POLR2B: variants seen among roughly 807,000 people sequenced by gnomAD.
POLR2B encodes DNA-directed RNA polymerase II subunit RPB2.
POLR2B carries 57 observed loss-of-function variants against 144.6 expected under a neutral mutation model. The observed-to-expected ratio is 0.39, with a 90% CI of 0.32 to 0.49. The LOEUF is 0.49. Ranked by LOEUF, POLR2B falls within the 20% of genes least tolerant of loss-of-function variation. The pLI is 0.83. For missense variants in POLR2B, 595 were observed against 1,467.4 expected (o/e 0.41, Z 9.71); for synonymous variants, 442 against 469.8 (o/e 0.94, Z 0.77).
intron 2 of POLR2B, among the ~76,000 whole-genome samples, chr4:56,989,988 T>C (rs1438633533): frequency 6.6e-6 from 1 of 152,230 alleles, no homozygotes; most frequent in Non-Finnish European, 1.5e-5. Context: ...TTGCTGAGTA[T>C]TTTTATGTAA....
chr4:57,015,010 G>A (rs1723322189), intron 13 of POLR2B, among the ~76,000 whole-genome samples: 1 of 152,142 alleles, frequency 6.6e-6, no homozygotes, highest in Non-Finnish European at 1.5e-5. Context: ...GCTATCCCCT[G>A]TATTAGATAG....
At chr4:56,996,827 T>C (rs1722705273) in intron 6 of POLR2B, among the ~76,000 whole-genome samples, 1 of 152,080 alleles carries the variant, frequency 6.6e-6, no homozygotes, top group East Asian at 1.9e-4. Context: ...GGCTCATGCC[T>C]GTAATCCCAG....
At chr4:57,006,536 C>G (rs1578575604) in intron 9 of POLR2B, among the ~76,000 whole-genome samples, 2 of 152,170 alleles carry the variant, frequency 1.3e-5, no homozygotes, top group Non-Finnish European at 2.9e-5. Flanking sequence ...AACTCCTGAC[C>G]TCAGGTGATC....
chr4:57,009,184 A>G (rs1723115250), intron 10 of POLR2B, among the ~76,000 whole-genome samples: 1 of 151,700 alleles, frequency 6.6e-6, no homozygotes, highest in African/African-American at 2.4e-5. Flanking sequence ...ATGGTTGAAA[A>G]CTCCAATGAG....
At chr4:57,006,385 A>G (rs956326508) in intron 9 of POLR2B, among the ~76,000 whole-genome samples, 1 of 152,046 alleles carries the variant, frequency 6.6e-6, no homozygotes, top group African/African-American at 2.4e-5. Context: ...GCTCACTGCA[A>G]CCTCTGCCTC....
At chr4:56,992,013 CAT>C (rs1296021602) in intron 3 of POLR2B, among the ~76,000 whole-genome samples, 1 of 152,088 alleles carries the variant, frequency 6.6e-6, no homozygotes, top group African/African-American at 2.4e-5. Flanking sequence ...AACAATATAA[CAT>C]AGCAAATTGA....
intron 13 of POLR2B, among the ~76,000 whole-genome samples, chr4:57,012,003 C>T (rs572556641): frequency 6.6e-6 from 1 of 152,190 alleles, no homozygotes; most frequent in Non-Finnish European, 1.5e-5. Context: ...TGGGATTTAT[C>T]CTTTGAATCC....
chr4:56,995,773 G>C (rs1431373942), intron 6 of POLR2B, among the ~76,000 whole-genome samples: 1 of 152,240 alleles, frequency 6.6e-6, no homozygotes, highest in African/African-American at 2.4e-5. Context: ...CTGTTGGCTG[G>C]AAGCCTTTCT....
rs957685081 is a variant in POLR2B, at chr4:56,998,351, C to T, written c.736-1266C>T. Reference sequence around the variant, plus strand: ...TAGCTGGGATTACAGGCGTGTGCCACCATGCCCAGCTAATTTTGTATATTT... The same window carrying T: ...TAGCTGGGATTACAGGCGTGTGCCATCATGCCCAGCTAATTTTGTATATTT... On this transcript the variant is annotated intron_variant, in intron 6 of 24. Coordinates refer to ENST00000314595, the MANE Select transcript of POLR2B (RefSeq NM_000938.3). Among the ~76,000 whole-genome samples the T allele has an allele frequency of 3.3e-5, 5 of 152,018 alleles. No individual in the cohort carries two copies. The South Asian group carries it at 8.3e-4, about 25-fold the overall frequency.
At position 57,031,026 on chromosome 4, in the gene POLR2B, G is replaced by C; in HGVS notation, c.*38G>C. The stretch of plus-strand genomic sequence containing the variant: ...AGTCAACAAGATAATTAAATATCTT[G>C]GTGTCTTGTTTCTATTGTGTGGCTT... On this transcript the variant is annotated 3_prime_UTR_variant, in exon 25 of 25. Coordinates refer to ENST00000314595, the MANE Select transcript of POLR2B (RefSeq NM_000938.3). 1 of 1,214,724 alleles carries C rather than the reference G, an allele frequency of 8.2e-7. No homozygotes were observed. The highest frequency in any genetic ancestry group is 1.2e-6 in the Non-Finnish European group (1 of 816,168). 75.2% of individuals were successfully genotyped at this position (1,214,724 alleles called of 1,614,324 possible). A position where few individuals can be genotyped will look rare whatever the true frequency, so the allele number is the denominator to read the frequency against.
chr4:57,024,478 T>C (rs976782254), intron 21 of POLR2B, among the ~76,000 whole-genome samples: 4 of 152,206 alleles, frequency 2.6e-5, no homozygotes, highest in Non-Finnish European at 2.9e-5. Context: ...TATTTTTAAG[T>C]ATTCTTTTAA....
chr4:57,025,668 G>T, intron 23 of POLR2B, 131 bp downstream of exon 23: 1 of 601,150 alleles, frequency 1.7e-6, no homozygotes, highest in Non-Finnish European at 3.0e-6. Context: ...ATTATCGACT[G>T]ATGGCCAGTC....
chr4:57,028,376 C>T (rs1345096099), intron 23 of POLR2B, among the ~76,000 whole-genome samples: 1 of 152,098 alleles, frequency 6.6e-6, no homozygotes, highest in Non-Finnish European at 1.5e-5. Context: ...TCAATCCAGC[C>T]TCTCACCTTG....
At chr4:57,009,396 G>A (rs921649820) in intron 10 of POLR2B, among the ~76,000 whole-genome samples, 1 of 152,056 alleles carries the variant, frequency 6.6e-6, no homozygotes, top group Non-Finnish European at 1.5e-5. Context: ...TTGTTTTTGG[G>A]GCTTCATTGA....
intron 10 of POLR2B, among the ~76,000 whole-genome samples, chr4:57,008,624 C>A (rs1723098882): frequency 6.6e-6 from 1 of 152,188 alleles, no homozygotes; most frequent in Non-Finnish European, 1.5e-5. Context: ...CAGATAATTA[C>A]AGCATGGCAT....
chr4:57,016,680 G>A (rs1017641172), intron 14 of POLR2B, among the ~76,000 whole-genome samples: 3 of 150,118 alleles, frequency 2.0e-5, no homozygotes, highest in Non-Finnish European at 3.0e-5. Flanking sequence ...TTATTTTTTA[G>A]CAATATGAAT....
chr4:56,979,774 C>T (rs1373110802), intron 1 of POLR2B, among the ~76,000 whole-genome samples: 1 of 152,024 alleles, frequency 6.6e-6, no homozygotes, highest in Non-Finnish European at 1.5e-5. Context: ...TGGCGTGCGC[C>T]TGTAATCCCA....
chr4:57,012,811 T>C (rs935254590), intron 13 of POLR2B, among the ~76,000 whole-genome samples: 2 of 151,772 alleles, frequency 1.3e-5, no homozygotes, highest in Non-Finnish European at 2.9e-5. Flanking sequence ...ATTACAGATG[T>C]GTACCACCAT....
intron 1 of POLR2B, among the ~76,000 whole-genome samples, chr4:56,980,214 A>T (rs1409291000): frequency 1.3e-5 from 2 of 151,758 alleles, no homozygotes; most frequent in East Asian, 3.9e-4. Context: ...GCATGAGCCA[A>T]TGTGCCCAGC....
Sources: gnomAD v4.1 joint callset for allele counts (sites outside exome capture counted in the v4.1 genomes callset) on GRCh38, gnomAD v4.1.1 for gene constraint, MANE v1.5 for transcripts, NCBI Gene and HGNC (gene_info 2026-07-23, HGNC 2026-07-21) for gene names.